ZFPM2: variants seen among roughly 807,000 people sequenced by gnomAD.
The protein encoded by ZFPM2 is zinc finger protein, FOG family member 2, also known as zinc finger protein ZFPM2.
A neutral mutation model predicts 98.6 loss-of-function variants in ZFPM2; 20 were observed. The ratio of observed to expected loss-of-function variants is 0.20; its 90% CI spans 0.14 to 0.29. The LOEUF is 0.29. ZFPM2 is among the 10% of genes least tolerant of loss of function. ZFPM2 has a pLI of 1.00. For synonymous variants in ZFPM2, 518 were observed against 502.7 expected (o/e 1.03, Z -0.41); for missense variants, 1,310 against 1,388.6 (o/e 0.94, Z 0.90).
intron 1 of ZFPM2, among the ~76,000 whole-genome samples, chr8:105,319,265 C>A (rs538795716): frequency 6.6e-6 from 1 of 152,248 alleles, no homozygotes; most frequent in Non-Finnish European, 1.5e-5. Context: ...GACCCGCGCA[C>A]GCTGCGAGTC....
At chr8:105,509,270 C>G (rs1227417369) in intron 3 of ZFPM2, among the ~76,000 whole-genome samples, 2 of 152,122 alleles carry the variant, frequency 1.3e-5, no homozygotes, top group Non-Finnish European at 2.9e-5. Context: ...GACAGCAGGT[C>G]AGGGTGGAGG....
chr8:105,454,939 T>A (rs539172983), intron 3 of ZFPM2, among the ~76,000 whole-genome samples: 1 of 152,188 alleles, frequency 6.6e-6, no homozygotes, highest in African/African-American at 2.4e-5. Flanking sequence ...TGTCAGAGGT[T>A]CATCTTGTTA....
intron 1 of ZFPM2, among the ~76,000 whole-genome samples, chr8:105,326,697 G>C (rs1812121393): frequency 6.6e-6 from 1 of 151,492 alleles, no homozygotes; most frequent in South Asian, 2.1e-4. Flanking sequence ...CATGTCATCT[G>C]GTCATGTGCC....
chr8:105,647,416 T>C (rs1817069291), intron 5 of ZFPM2, among the ~76,000 whole-genome samples: 1 of 152,054 alleles, frequency 6.6e-6, no homozygotes, highest in Non-Finnish European at 1.5e-5. Context: ...CGAGGGTACA[T>C]ATGCCCAATG....
At chr8:105,690,966 A>T (rs1810865271) in intron 5 of ZFPM2, 1 of 152,122 alleles carries the variant, frequency 6.6e-6, no homozygotes, top group African/African-American at 2.4e-5. Context: ...CTTTTGCCTA[A>T]GAGTAACTCT....
At chr8:105,423,446 T>C (rs796902505) in intron 2 of ZFPM2, among the ~76,000 whole-genome samples, 3 of 152,336 alleles carry the variant, frequency 2.0e-5, no homozygotes, top group African/African-American at 7.2e-5. Flanking sequence ...TAACAAAATA[T>C]AAAGCAATAC....
At chr8:105,634,164 A>G (rs1241829480) in intron 4 of ZFPM2, 82 bp from the exon 5 acceptor site, 7 of 1,026,294 alleles carry the variant, frequency 6.8e-6, no homozygotes, top group Non-Finnish European at 8.7e-6. Context: ...GTTTGTAAAA[A>G]TAAAATGATT....
At chr8:105,665,874 G>T (rs970661232) in intron 5 of ZFPM2, among the ~76,000 whole-genome samples, 2 of 152,064 alleles carry the variant, frequency 1.3e-5, no homozygotes, top group African/African-American at 4.8e-5. Flanking sequence ...GTATATGGTT[G>T]GCACATGATA....
At chr8:105,408,720 G>T (rs1440901285) in intron 1 of ZFPM2, among the ~76,000 whole-genome samples, 3 of 151,752 alleles carry the variant, frequency 2.0e-5, no homozygotes, top group African/African-American at 7.3e-5. Flanking sequence ...AAGTGTGCAG[G>T]ACTGTACAGG....
intron 1 of ZFPM2, among the ~76,000 whole-genome samples, chr8:105,383,617 A>G (rs187745855): frequency 2.0e-5 from 3 of 152,304 alleles, no homozygotes; most frequent in Non-Finnish European, 4.4e-5. Context: ...TCCTGAGTTT[A>G]TCAGCATACA....
intron 1 of ZFPM2, among the ~76,000 whole-genome samples, chr8:105,406,291 A>G (rs148036956): frequency 2.0e-5 from 3 of 151,720 alleles, no homozygotes; most frequent in Admixed American, 6.6e-5. Flanking sequence ...TTAGATCCCA[A>G]TTGTCAATTT....
rs59943408 is a variant in ZFPM2 at position 105,764,287 on chromosome 8, G to GACACAC, written c.533-24397_533-24392dup. 5.9e-3 allele frequency among the ~76,000 whole-genome samples: 827 copies of GACACAC among 139,550 alleles called. 4 individuals are homozygous for GACACAC. Among genetic ancestry groups the GACACAC allele is most frequent in the Middle Eastern group, 7.6e-3 (2 of 262 alleles). 91.6% of individuals were successfully genotyped at this position (139,550 alleles called of 152,430 possible). On this transcript the variant is annotated intron_variant, in intron 5 of 7. Coordinates refer to ENST00000407775, the MANE Select transcript of ZFPM2 (RefSeq NM_012082.4). ...TCTCTCTTTCTCTCTCTCTCTCTCT[G>GACACAC]ACACACACACACACACACACACACA...
intron 1 of ZFPM2, among the ~76,000 whole-genome samples, chr8:105,406,428 T>C (rs1165993142): frequency 6.6e-6 from 1 of 152,034 alleles, no homozygotes; most frequent in Non-Finnish European, 1.5e-5. Context: ...CTGGATCCCT[T>C]CCTTACACCT....
In ZFPM2 at chr8:105,619,326, G is replaced by A. The variant is rs760876972; in HGVS notation, c.421-14920G>A. Among the ~76,000 whole-genome samples the A allele has an allele frequency of 7.2e-4, 109 of 151,810 alleles. 1 individual carries two copies. The highest frequency in any genetic ancestry group is 3.9e-4 in the Admixed American group (6 of 15,234). On this transcript the variant is annotated intron_variant, in intron 4 of 7. Coordinates refer to ENST00000407775, the MANE Select transcript of ZFPM2 (RefSeq NM_012082.4). ...CATTCATAAGCTTAAAATATAATGA[G>A]CTTGATTATTAATATTGACAATCTA...
intron 5 of ZFPM2, among the ~76,000 whole-genome samples, chr8:105,774,364 C>T (rs1344625997): frequency 3.3e-5 from 5 of 152,098 alleles, no homozygotes; most frequent in Admixed American, 6.6e-5. Context: ...AAAAGCTTGA[C>T]ACCTATTGTT....
intron 5 of ZFPM2, among the ~76,000 whole-genome samples, chr8:105,749,879 G>A (rs530274506): frequency 1.2e-3 from 188 of 151,998 alleles, no homozygotes; most frequent in Middle Eastern, 3.4e-3. Flanking sequence ...TTGTCATGCT[G>A]GAAATACTGC....
At chr8:105,534,205 CTTCTTCCTTCTTTTCT>C (rs1814391267) in intron 3 of ZFPM2, among the ~76,000 whole-genome samples, 1 of 69,958 alleles carries the variant, frequency 1.4e-5, no homozygotes, top group East Asian at 4.3e-4. Context: ...CCCTCCCTCC[CTTCTTCCTTCTTTTCT>C]TCCTCCCTTC....
intron 4 of ZFPM2, among the ~76,000 whole-genome samples, chr8:105,605,744 A>G (rs958716174): frequency 3.9e-5 from 6 of 152,096 alleles, no homozygotes; most frequent in Non-Finnish European, 7.4e-5. Flanking sequence ...TATGTTGAGA[A>G]TTGCTCAGTG....
intron 4 of ZFPM2, 27 bp from the exon 5 acceptor site, chr8:105,634,219 A>G (rs376900766): frequency 3.8e-5 from 59 of 1,557,280 alleles, no homozygotes; most frequent in Non-Finnish European, 5.0e-5. Flanking sequence ...AGCAAATGGC[A>G]TCTGTTTGTT....
Sources: gnomAD v4.1 joint callset for allele counts (sites outside exome capture counted in the v4.1 genomes callset) on GRCh38, gnomAD v4.1.1 for gene constraint, MANE v1.5 for transcripts, NCBI Gene and HGNC (gene_info 2026-07-23, HGNC 2026-07-21) for gene names.